SHISA9: variants seen among roughly 807,000 people sequenced by gnomAD.
The protein encoded by SHISA9 is shisa family member 9.
A neutral mutation model predicts 38.0 loss-of-function variants in SHISA9; 13 were observed. The observed-to-expected ratio is 0.34, with a 90% CI of 0.22 to 0.54. The LOEUF is 0.54. Ranked by LOEUF, SHISA9 falls within the 20% of genes least tolerant of loss-of-function variation. The pLI, the probability that SHISA9 is intolerant of heterozygous loss-of-function variation, is 0.91. For missense variants in SHISA9, 538 were observed against 575.8 expected, an observed-to-expected ratio of 0.93 and a Z score of 0.67; for synonymous variants, 275 against 242.0, an observed-to-expected ratio of 1.14 and a Z score of -1.27.
At chr16:13,078,439 T>C (rs1405802334) in intron 2 of SHISA9, among the ~76,000 whole-genome samples, 2 of 151,822 alleles carry the variant, frequency 1.3e-5, no homozygotes, top group African/African-American at 2.4e-5. Context: ...AGGGTCTCAT[T>C]CTGTCACCCA....
chr16:12,974,108 G>A (rs1169724480), intron 2 of SHISA9, among the ~76,000 whole-genome samples: 2 of 152,110 alleles, frequency 1.3e-5, no homozygotes. Flanking sequence ...GAAGGCCTAG[G>A]AAGAAAAGGG....
intron 2 of SHISA9, among the ~76,000 whole-genome samples, chr16:12,917,417 ACAG>A (rs1253636420): frequency 2.6e-5 from 4 of 152,166 alleles, no homozygotes; most frequent in African/African-American, 9.7e-5. Flanking sequence ...GTATGATTCA[ACAG>A]CAGCAAATTC....
At chr16:13,019,838 C>T (rs1279918745) in intron 2 of SHISA9, among the ~76,000 whole-genome samples, 39 of 45,486 alleles carry the variant, frequency 8.6e-4, no homozygotes, top group East Asian at 1.5e-3. Context: ...CTTTCTTTTT[C>T]CTTCCTTCCC....
intron 2 of SHISA9, among the ~76,000 whole-genome samples, chr16:13,137,446 G>T (rs1328047811): frequency 6.6e-6 from 1 of 151,840 alleles, no homozygotes; most frequent in African/African-American, 2.4e-5. Flanking sequence ...CCATAACGGA[G>T]GATCTAATCT....
chr16:12,947,861 G>A (rs1291720196), intron 2 of SHISA9, among the ~76,000 whole-genome samples: 2 of 152,150 alleles, frequency 1.3e-5, no homozygotes, highest in Non-Finnish European at 2.9e-5. Flanking sequence ...GATCCCCCAA[G>A]TAGTGACCGT....
At chr16:13,378,032 AAAC>A in the SHISA9 span, among the ~76,000 whole-genome samples, 64,546 of 151,802 alleles carry the variant, frequency 0.43, 15,258 homozygotes, top group East Asian at 0.56. Context: ...GACTCCATCT[AAAC>A]AACACCACCA....
chr16:13,378,482 A>C, the SHISA9 span, among the ~76,000 whole-genome samples: 1 of 152,118 alleles, frequency 6.6e-6, no homozygotes, highest in Non-Finnish European at 1.5e-5. Context: ...TCCATCTCTG[A>C]AATAGCCACT....
chr16:12,936,024 T>C (rs532394108), intron 2 of SHISA9, among the ~76,000 whole-genome samples: 61 of 152,214 alleles, frequency 4.0e-4, no homozygotes, highest in African/African-American at 1.4e-3. Context: ...TGAGGAGTGA[T>C]GAAGCCGACT....
chr16:13,509,831 A>G, the SHISA9 span, among the ~76,000 whole-genome samples: 1 of 152,174 alleles, frequency 6.6e-6, no homozygotes, highest in Non-Finnish European at 1.5e-5. Flanking sequence ...TACTGTTGTG[A>G]GCCAAGCTTC....
chr16:12,950,036 C>A (rs1375439191), intron 2 of SHISA9, among the ~76,000 whole-genome samples: 2 of 152,208 alleles, frequency 1.3e-5, no homozygotes, highest in Admixed American at 1.3e-4. Context: ...CTACTTGTCA[C>A]AGCCTATGGT....
At chr16:13,077,654 A>T (rs1217625601) in intron 2 of SHISA9, among the ~76,000 whole-genome samples, 2 of 152,144 alleles carry the variant, frequency 1.3e-5, no homozygotes, top group East Asian at 3.9e-4. Flanking sequence ...CCTGCATCAA[A>T]GTCAAGTGTT....
chr16:13,183,996 G>A (rs1382123506), intron 2 of SHISA9, among the ~76,000 whole-genome samples: 1 of 152,012 alleles, frequency 6.6e-6, no homozygotes, highest in Non-Finnish European at 1.5e-5. Context: ...CCACACTCTG[G>A]GGGAGGGACA....
chr16:13,389,254 C>T, the SHISA9 span, among the ~76,000 whole-genome samples: 1 of 152,156 alleles, frequency 6.6e-6, no homozygotes, highest in Non-Finnish European at 1.5e-5. Context: ...TCTGGCAACC[C>T]CTGAGCTGTT....
chr16:13,279,392 A>G, the SHISA9 span, among the ~76,000 whole-genome samples: 1 of 151,950 alleles, frequency 6.6e-6, no homozygotes, highest in South Asian at 2.1e-4. Flanking sequence ...TGTTCTGTAT[A>G]TATCTGTTAT....
At chr16:13,069,166 T>C (rs1348592370) in intron 2 of SHISA9, among the ~76,000 whole-genome samples, 1 of 149,878 alleles carries the variant, frequency 6.7e-6, no homozygotes, top group Non-Finnish European at 1.5e-5. Context: ...TGTATATATG[T>C]GTGTACATGC....
intron 2 of SHISA9, among the ~76,000 whole-genome samples, chr16:13,090,631 G>GT (rs200959416): frequency 2.0e-5 from 3 of 151,982 alleles, no homozygotes; most frequent in Admixed American, 6.6e-5. Flanking sequence ...AACTCCTGCT[G>GT]TTTTTTTGCT....
At chr16:12,992,522 ACT>A (rs1567175081) in intron 2 of SHISA9, among the ~76,000 whole-genome samples, 2 of 151,872 alleles carry the variant, frequency 1.3e-5, no homozygotes, top group South Asian at 2.1e-4. Flanking sequence ...ACAGAGTAAG[ACT>A]CTGTCTCAAA....
At chr16:13,526,793 T>C in the SHISA9 span, among the ~76,000 whole-genome samples, 1 of 152,152 alleles carries the variant, frequency 6.6e-6, no homozygotes, top group Non-Finnish European at 1.5e-5. Context: ...GATTAATGCA[T>C]GGACTCCACC....
At chr16:13,203,309 T>C (rs1596728348) in intron 2 of SHISA9, 85 bp from the exon 3 acceptor site, 3 of 1,291,308 alleles carry the variant, frequency 2.3e-6, no homozygotes, top group East Asian at 5.6e-5. Flanking sequence ...GGGAGAGTTT[T>C]GGTCTCCAGT....
Sources: gnomAD v4.1 joint callset for allele counts (sites outside exome capture counted in the v4.1 genomes callset) on GRCh38, gnomAD v4.1.1 for gene constraint, MANE v1.5 for transcripts, NCBI Gene and HGNC (gene_info 2026-07-23, HGNC 2026-07-21) for gene names.